The following LARS2 variants were observed in gnomAD, a reference collection of about 807,000 sequenced individuals.
LARS2 encodes the protein leucine--tRNA ligase, mitochondrial.
Under a neutral mutation model 116.6 loss-of-function variants are expected in LARS2, and 81 were observed. The ratio of observed to expected loss-of-function variants is 0.69; its 90% CI spans 0.58 to 0.84. LARS2 has a LOEUF of 0.84. Ranked by LOEUF, LARS2 falls within the 40% of genes least tolerant of loss-of-function variation. LARS2 has a pLI of 0.00. For synonymous variants in LARS2, 396 were observed against 407.2 expected, an observed-to-expected ratio of 0.97 and a Z score of 0.33; for missense variants, 968 against 1,114.5, an observed-to-expected ratio of 0.87 and a Z score of 1.87.
chr3:45,426,952 G>A (rs906488722), intron 6 of LARS2, among the ~76,000 whole-genome samples: 5 of 152,136 alleles, frequency 3.3e-5, no homozygotes, highest in African/African-American at 9.7e-5. Context: ...CAGGATCTTG[G>A]TTCGTCTTGG....
intron 10 of LARS2, among the ~76,000 whole-genome samples, chr3:45,480,066 T>C (rs376769334): frequency 3.3e-5 from 5 of 152,190 alleles, no homozygotes; most frequent in African/African-American, 1.2e-4. Flanking sequence ...AGTATCCATA[T>C]GGGGTGAGGA....
chr3:45,469,743 T>C (rs188557462), intron 8 of LARS2, among the ~76,000 whole-genome samples: 12 of 152,276 alleles, frequency 7.9e-5, no homozygotes, highest in African/African-American at 2.9e-4. Flanking sequence ...CTAGAGGGAA[T>C]GTCTATATTT....
intron 6 of LARS2, among the ~76,000 whole-genome samples, chr3:45,432,874 T>C (rs1324261688): frequency 6.6e-6 from 1 of 152,052 alleles, no homozygotes; most frequent in Non-Finnish European, 1.5e-5. Flanking sequence ...AGATTTAGGA[T>C]TGCTGTGTCT....
intron 6 of LARS2, chr3:45,421,403 A>G (rs993253064): frequency 6.6e-6 from 1 of 152,240 alleles, no homozygotes; most frequent in Non-Finnish European, 1.5e-5. Flanking sequence ...TCTGAGGCAC[A>G]TTTGGCTGAC....
At chr3:45,522,023 T>C (rs1465240422) in intron 19 of LARS2, among the ~76,000 whole-genome samples, 2 of 152,184 alleles carry the variant, frequency 1.3e-5, no homozygotes, top group African/African-American at 4.8e-5. Flanking sequence ...GGAGGATCCC[T>C]TGAGCCCAGG....
At chr3:45,455,901 G>A (rs1377009924) in intron 7 of LARS2, among the ~76,000 whole-genome samples, 1 of 152,042 alleles carries the variant, frequency 6.6e-6, no homozygotes, top group Non-Finnish European at 1.5e-5. Flanking sequence ...GCACAGAAAG[G>A]CAAAAATCAT....
At chr3:45,409,376 A>C (rs1575234739) in intron 4 of LARS2, among the ~76,000 whole-genome samples, 1 of 152,178 alleles carries the variant, frequency 6.6e-6, no homozygotes, top group East Asian at 1.9e-4. Flanking sequence ...GTGAATGGAC[A>C]ATCTTGGCCA....
chr3:45,540,413 C>T (rs1034229967), intron 20 of LARS2, among the ~76,000 whole-genome samples: 2 of 152,194 alleles, frequency 1.3e-5, no homozygotes, highest in Non-Finnish European at 2.9e-5. Context: ...GTTATTGGGG[C>T]TGGTTTTGGT....
At chr3:45,432,994 TTACTTTGAAGTG>T (rs1291776426) in intron 6 of LARS2, among the ~76,000 whole-genome samples, 1 of 152,068 alleles carries the variant, frequency 6.6e-6, no homozygotes, top group Non-Finnish European at 1.5e-5. Flanking sequence ...GAAATATATT[TTACTTTGAAGTG>T]TACATTAAGT....
chr3:45,393,278 C>T (rs1340781561), intron 2 of LARS2, among the ~76,000 whole-genome samples: 2 of 151,950 alleles, frequency 1.3e-5, no homozygotes, highest in Non-Finnish European at 2.9e-5. Flanking sequence ...ATAAGTGCTA[C>T]GAAAGAAGGG....
intron 8 of LARS2, among the ~76,000 whole-genome samples, chr3:45,471,337 T>A (rs1283826636): frequency 3.3e-5 from 5 of 152,234 alleles, no homozygotes; most frequent in African/African-American, 1.2e-4. Flanking sequence ...TAGTTAATTT[T>A]AAAAATTTCT....
chr3:45,421,949 A>C (rs1399197488), intron 6 of LARS2: 3 of 152,180 alleles, frequency 2.0e-5, no homozygotes, highest in Admixed American at 2.0e-4. Flanking sequence ...CCAGCATCTC[A>C]AGAGTATCAT....
intron 15 of LARS2, among the ~76,000 whole-genome samples, chr3:45,512,064 C>T (rs370447868): frequency 3.0e-4 from 46 of 152,186 alleles, no homozygotes; most frequent in African/African-American, 8.7e-4. Flanking sequence ...CGTGAGCCAC[C>T]GCGCCTGGCC....
At chr3:45,400,210 A>G (rs1224473830) in intron 3 of LARS2, 35 bp from the exon 4 acceptor site, 1 of 1,595,686 alleles carries the variant, frequency 6.3e-7, no homozygotes, top group Non-Finnish European at 8.6e-7. Flanking sequence ...TTCCCAGAAA[A>G]TGCTTAATAA....
At chr3:45,531,448 G>A (rs1022377394) in intron 20 of LARS2, among the ~76,000 whole-genome samples, 2 of 152,100 alleles carry the variant, frequency 1.3e-5, no homozygotes, top group African/African-American at 4.8e-5. Flanking sequence ...CACAATCTGG[G>A]CTTATTGCAG....
intron 11 of LARS2, among the ~76,000 whole-genome samples, chr3:45,487,411 T>C (rs2125728867): frequency 6.6e-6 from 1 of 152,346 alleles, no homozygotes; most frequent in Non-Finnish European, 1.5e-5. Context: ...TTGGGACCTT[T>C]AGAACATGTC....
chr3:45,472,376 C>A lies in LARS2; in HGVS notation c.751-1867C>A, dbSNP rs1012656770. Among the ~76,000 whole-genome samples, 4 of 152,144 alleles carry A rather than the reference C, an allele frequency of 2.6e-5. No homozygotes were observed. The South Asian group carries it at 8.3e-4, about 32-fold the overall frequency. ...GGTGGCAAGTTTGTCCCCTTTCAAGCGAGTAATGAACCAAGAGACCTGAGT... is the reference window on the plus strand; with the variant it reads ...GGTGGCAAGTTTGTCCCCTTTCAAGAGAGTAATGAACCAAGAGACCTGAGT... On this transcript the variant is annotated intron_variant, in intron 8 of 21. Coordinates refer to ENST00000645846, the MANE Select transcript of LARS2 (RefSeq NM_015340.4).
intron 4 of LARS2, among the ~76,000 whole-genome samples, chr3:45,403,130 A>AAAAAAAAAAAAAAAAT (rs1456792064): frequency 4.7e-5 from 7 of 150,294 alleles, no homozygotes; most frequent in African/African-American, 1.7e-4. Flanking sequence ...AAAAAAAAAA[A>AAAAAAAAAAAAAAAAT]AGAAAGATGT....
intron 13 of LARS2, among the ~76,000 whole-genome samples, chr3:45,494,502 G>A (rs1699975681): frequency 6.6e-6 from 1 of 152,142 alleles, no homozygotes; most frequent in South Asian, 2.1e-4. Context: ...ATATTTGGAG[G>A]GGCGATGAGC....
Sources: allele counts gnomAD v4.1 joint callset (sites outside exome capture counted in the v4.1 genomes callset), GRCh38; gene constraint gnomAD v4.1.1; transcripts MANE v1.5; gene names NCBI Gene and HGNC (gene_info 2026-07-23, HGNC 2026-07-21).